RNF152: variants seen among roughly 807,000 people sequenced by gnomAD.
The protein encoded by RNF152 is ring finger protein 152.
A neutral mutation model predicts 12.7 loss-of-function variants in RNF152; 11 were observed. The ratio of observed to expected loss-of-function variants is 0.86; its 90% CI spans 0.54 to 1.43. RNF152 has a LOEUF of 1.43. RNF152 is among the 40% of genes most tolerant of loss of function. The probability of loss-of-function intolerance (pLI) is 0.00; values close to 1 mark genes in which losing one functional copy is unlikely to be tolerated. For missense variants in RNF152, 255 were observed against 274.8 expected (o/e 0.93, Z 0.51); for synonymous variants, 113 against 120.3 (o/e 0.94, Z 0.40).
intron 1 of RNF152, 48 bp downstream of exon 1, chr18:61,892,747 C>G (rs1220175497): frequency 6.6e-6 from 1 of 152,266 alleles, no homozygotes; most frequent in Non-Finnish European, 1.5e-5. Context: ...ACTGTCGGCC[C>G]AAATGACCCA....
intron 1 of RNF152, among the ~76,000 whole-genome samples, chr18:61,868,602 C>T (rs2036538728): frequency 6.6e-6 from 1 of 152,114 alleles, no homozygotes; most frequent in Non-Finnish European, 1.5e-5. Context: ...ACTCAGGAGT[C>T]TGAGGCAGGA....
chr18:61,826,579 C>T (rs75578024), intron 1 of RNF152, among the ~76,000 whole-genome samples: 13,202 of 152,072 alleles, frequency 0.087, 752 homozygotes, highest in African/African-American at 0.16. Context: ...TTCCTCTTTA[C>T]ATGTTTTTGG....
At chr18:61,879,965 C>CAA (rs11341958) in intron 1 of RNF152, among the ~76,000 whole-genome samples, 3 of 140,150 alleles carry the variant, frequency 2.1e-5, no homozygotes, top group Non-Finnish European at 1.5e-5. Context: ...AACTCCATCT[C>CAA]AAAAAAAAAA....
chr18:61,874,128 C>T (rs1179316709), intron 1 of RNF152, among the ~76,000 whole-genome samples: 1 of 152,110 alleles, frequency 6.6e-6, no homozygotes, highest in Non-Finnish European at 1.5e-5. Flanking sequence ...CTTGTTTAGG[C>T]TTGAGTATAT....
At chr18:61,829,842 C>T (rs538369441) in intron 1 of RNF152, among the ~76,000 whole-genome samples, 43 of 152,056 alleles carry the variant, frequency 2.8e-4, no homozygotes, top group Non-Finnish European at 5.3e-4. Context: ...ATTCTGTAAT[C>T]TGGGTTTTGT....
intron 1 of RNF152, among the ~76,000 whole-genome samples, chr18:61,830,714 G>A (rs972049627): frequency 3.3e-5 from 5 of 152,188 alleles, no homozygotes; most frequent in South Asian, 2.1e-4. Flanking sequence ...GGATGAAGGA[G>A]GAGGAAGAAG....
intron 1 of RNF152, among the ~76,000 whole-genome samples, chr18:61,877,610 A>G (rs1912269621): frequency 6.6e-6 from 1 of 152,224 alleles, no homozygotes; most frequent in Non-Finnish European, 1.5e-5. Flanking sequence ...TATAGCTCAA[A>G]GCTGCTTGTT....
rs573365383 is a variant in RNF152 at position 61,853,600 on chromosome 18, C to A, written c.-135-37002G>T. On this transcript the variant is annotated intron_variant, in intron 1 of 1. Coordinates refer to ENST00000312828, the MANE Select transcript of RNF152 (RefSeq NM_173557.3). Reference sequence around the variant, plus strand: ...GCCATCGCACCTCACCGGTTCCTTACCTTTTTTAGCTGCCAGTGGCTGCCT... The same window carrying A: ...GCCATCGCACCTCACCGGTTCCTTAACTTTTTTAGCTGCCAGTGGCTGCCT... 2.0e-5 allele frequency among the ~76,000 whole-genome samples: 3 copies of A among 152,270 alleles called. No individual in the cohort carries two copies. The East Asian group carries it at 5.8e-4, about 29-fold the overall frequency.
Position 61,816,402 on chromosome 18 carries a change from G to T in RNF152, c.62C>A (p.Pro21His). 1 of 1,613,986 alleles carries T rather than the reference G, an allele frequency of 6.2e-7. No individual in the cohort carries two copies. Among genetic ancestry groups the T allele is most frequent in the South Asian group, 1.1e-5 (1 of 91,056 alleles). ...ECQICFNYYS[P>H]RRRPKLLDCK... ...GTCCAGCAACTTGGGCCTGCGCCGG[G>T]GGCTGTAGTAATTGAAACAGATCTG... The change falls in exon 2 of 2, where the codon CCC (proline) becomes CAC (histidine). Residue 21 changes from proline (P) to histidine (H), a missense_variant. Coordinates refer to ENST00000312828, the MANE Select transcript of RNF152 (RefSeq NM_173557.3).
intron 1 of RNF152, among the ~76,000 whole-genome samples, chr18:61,844,174 G>A: frequency 8.7e-6 from 1 of 114,910 alleles, no homozygotes; most frequent in Non-Finnish European, 2.0e-5. Context: ...AGGAAGGGAG[G>A]AAGAGAGGAA....
At chr18:61,855,631 C>A (rs1911189918) in intron 1 of RNF152, among the ~76,000 whole-genome samples, 1 of 152,222 alleles carries the variant, frequency 6.6e-6, no homozygotes, top group African/African-American at 2.4e-5. Flanking sequence ...AGCTGCCTGC[C>A]CCGCTGCAGC....
In RNF152 at chr18:61,811,761, C is replaced by G. The variant is rs767661353; in HGVS notation, c.*4091G>C. 2 of 152,092 alleles carry G rather than the reference C, an allele frequency of 1.3e-5. No homozygotes were observed. The highest frequency in any genetic ancestry group is 2.9e-5 in the Non-Finnish European group (2 of 68,030). 9.4% of individuals were successfully genotyped at this position (152,092 alleles called of 1,614,324 possible). A position where few individuals can be genotyped will look rare whatever the true frequency, so the allele number is the denominator to read the frequency against. On this transcript the variant is annotated 3_prime_UTR_variant, in exon 2 of 2. Coordinates refer to ENST00000312828, the MANE Select transcript of RNF152 (RefSeq NM_173557.3). The stretch of plus-strand genomic sequence containing the variant: ...GGCTTTTTTTTTCCTGTAACATTTA[C>G]TTTTTGGCCACAAGACCCTAGACAC...
intron 1 of RNF152, among the ~76,000 whole-genome samples, chr18:61,826,412 C>T (rs928667979): frequency 6.6e-6 from 1 of 152,170 alleles, no homozygotes; most frequent in African/African-American, 2.4e-5. Flanking sequence ...TTCTTATCTC[C>T]CGTTTGAACT....
chr18:61,888,342 A>G (rs1385471843), intron 1 of RNF152: 1 of 152,230 alleles, frequency 6.6e-6, no homozygotes, highest in Non-Finnish European at 1.5e-5. Flanking sequence ...CTAAGCATGT[A>G]ACAAGCACAG....
chr18:61,860,597 T>C (rs1378812975), intron 1 of RNF152, among the ~76,000 whole-genome samples: 1 of 152,218 alleles, frequency 6.6e-6, no homozygotes, highest in East Asian at 1.9e-4. Flanking sequence ...ACACAATACT[T>C]GATAATGATA....
upstream of RNF152, chr18:61,893,784 C>A (rs1257991132): frequency 6.6e-6 from 1 of 151,982 alleles, no homozygotes; most frequent in Non-Finnish European, 1.5e-5. Context: ...GCGGCGCGGG[C>A]ACGAGGAAAG....
intron 1 of RNF152, among the ~76,000 whole-genome samples, chr18:61,851,846 C>G (rs1348910750): frequency 6.6e-6 from 1 of 152,208 alleles, no homozygotes; most frequent in East Asian, 1.9e-4. Flanking sequence ...TACAGCAGTA[C>G]ATGAATATAA....
chr18:61,887,701 C>CAAAAAAAAAAAA, intron 1 of RNF152, among the ~76,000 whole-genome samples: 1 of 105,958 alleles, frequency 9.4e-6, no homozygotes, highest in Non-Finnish European at 2.0e-5. Flanking sequence ...GACTCCATCT[C>CAAAAAAAAAAAA]AAAAAAAAAA....
chr18:61,823,781 C>T (rs1909530505), intron 1 of RNF152, among the ~76,000 whole-genome samples: 1 of 152,332 alleles, frequency 6.6e-6, no homozygotes, highest in South Asian at 2.1e-4. Context: ...AGGGACTCAC[C>T]ACACAACTGA....
Sources: allele counts gnomAD v4.1 joint callset (sites outside exome capture counted in the v4.1 genomes callset), GRCh38; gene constraint gnomAD v4.1.1; transcripts MANE v1.5; gene names NCBI Gene and HGNC (gene_info 2026-07-23, HGNC 2026-07-21).